Variants in ZNF410 observed in about 807,000 individuals in gnomAD.
ZNF410 encodes another partner for ARF 1.
ZNF410 carries 18 observed loss-of-function variants against 54.8 expected under a neutral mutation model. That is an observed-to-expected ratio of 0.33 (90% confidence interval 0.23 to 0.49). The LOEUF (loss-of-function observed/expected upper bound fraction) is 0.49, where lower values mean the gene tolerates loss of function less well. ZNF410 is among the 20% of genes least tolerant of loss of function. The pLI, the probability that ZNF410 is intolerant of heterozygous loss-of-function variation, is 0.99. For synonymous variants in ZNF410, 191 were observed against 207.3 expected (o/e 0.92, Z 0.68); for missense variants, 405 against 569.6 (o/e 0.71, Z 2.94).
Position 73,922,058 on chromosome 14 carries a change from CTG to C in ZNF410, c.1130-5_1130-4del. On this transcript the variant is annotated splice_polypyrimidine_tract_variant and splice_region_variant and intron_variant, in intron 9 of 11. Transcript: ENST00000555044. ...CTGTATGTCTCTCACAACCTATTCT[CTG>C]TGCAGCTGAGCCACTAATGGGCAGT... 1.2e-6 allele frequency: 2 copies of C among 1,613,826 alleles called. No individual in the cohort carries two copies. Among genetic ancestry groups the C allele is most frequent in the Non-Finnish European group, 1.7e-6 (2 of 1,179,772 alleles).
At chr14:73,912,578 A>G (rs957773098) in intron 8 of ZNF410, among the ~76,000 whole-genome samples, 9 of 152,344 alleles carry the variant, frequency 5.9e-5, no homozygotes, top group Non-Finnish European at 1.0e-4. Context: ...ATTAGTTGGA[A>G]TTCTTCTGTA....
intron 9 of ZNF410, chr14:73,921,313 C>G: frequency 2.0e-6 from 1 of 490,378 alleles, no homozygotes; most frequent in Non-Finnish European, 3.4e-6. Flanking sequence ...TGTTGCTTGT[C>G]CGCCCACCAA....
At chr14:73,921,213 A>C in intron 9 of ZNF410, 108 bp downstream of exon 9, 2 of 1,453,852 alleles carry the variant, frequency 1.4e-6, no homozygotes, top group South Asian at 2.7e-5. Flanking sequence ...TTTTGGGTAG[A>C]TAGACCTGGT....
Position 73,898,113 on chromosome 14 carries a change from A to C in ZNF410, c.431A>C (p.Glu144Ala), listed in dbSNP as rs1366230614. Residue 144 changes from glutamate to alanine, a missense_variant, in exon 5 of 12, where the codon GAG becomes GCG. By Grantham distance (107) the Glu-to-Ala change is moderately radical. Around this residue, in one of 3 missense-constraint regions of ZNF410, gnomAD observed 247 missense variants for 342.8 expected, o/e 0.72. Coordinates refer to ENST00000555044, the MANE Select transcript of ZNF410 (RefSeq NM_021188.3). Reference protein sequence around the residue: ...SAEHLVFVQDEAEDSGNDFLS... With the variant: ...SAEHLVFVQDAAEDSGNDFLS... ...GAGCACTTAGTGTTTGTACAGGATG[A>C]GGCAGAAGATTCAGGGAATGATTTC... is the stretch of plus-strand genomic sequence containing the variant. 4 of 1,614,000 alleles carry C rather than the reference A, an allele frequency of 2.5e-6. No homozygotes were observed. The African/African-American group carries it at 5.3e-5, about 22-fold the overall frequency.
At chr14:73,894,152 A>G (rs1020416594) in intron 3 of ZNF410, among the ~76,000 whole-genome samples, 1 of 152,130 alleles carries the variant, frequency 6.6e-6, no homozygotes. Flanking sequence ...TGGGGAAAAA[A>G]GGTCAGTGCA....
intron 5 of ZNF410, among the ~76,000 whole-genome samples, chr14:73,903,004 T>C (rs2055430724): frequency 6.6e-6 from 1 of 152,196 alleles, no homozygotes; most frequent in Non-Finnish European, 1.5e-5. Context: ...AATTGGAAGG[T>C]GGTTCTTAGT....
chr14:73,893,979 T>G (rs2055271806), intron 3 of ZNF410, 47 bp downstream of exon 3: 2 of 1,574,514 alleles, frequency 1.3e-6, no homozygotes, highest in Non-Finnish European at 1.7e-6. Flanking sequence ...TCTTAAGAGC[T>G]TAGCCTACTC....
chr14:73,897,971 C>CAA (rs5809635), intron 4 of ZNF410, 100 bp from the exon 5 acceptor site: 32,719 of 675,798 alleles, frequency 0.048, 28 homozygotes, highest in South Asian at 0.079. Flanking sequence ...GACGCCGTCT[C>CAA]AAAAAAAAAA....
At chr14:73,913,777 C>T (rs1317908933) in intron 8 of ZNF410, 2 of 150,704 alleles carry the variant, frequency 1.3e-5, no homozygotes, top group Non-Finnish European at 3.0e-5. Context: ...ACCACCACAT[C>T]TAGCTAATTT....
At chr14:73,908,281 T>G (rs2055523058) in intron 7 of ZNF410, among the ~76,000 whole-genome samples, 1 of 152,248 alleles carries the variant, frequency 6.6e-6, no homozygotes, top group African/African-American at 2.4e-5. Context: ...TTTCATGCCA[T>G]TACATTCTTA....
At chr14:73,905,984 T>C (rs368049657) in intron 7 of ZNF410, among the ~76,000 whole-genome samples, 36 of 103,194 alleles carry the variant, frequency 3.5e-4, no homozygotes, top group African/African-American at 9.4e-5. Context: ...TATATATATA[T>C]ATATATATAT....
intron 7 of ZNF410, chr14:73,905,416 G>A (rs944809026): frequency 5.2e-6 from 1 of 190,546 alleles, no homozygotes; most frequent in African/African-American, 2.3e-5. Flanking sequence ...GCGCAGTTAT[G>A]ATTTTGGGCA....
chr14:73,921,957 T>C (rs74487165), intron 9 of ZNF410, 109 bp from the exon 10 acceptor site: 26,402 of 1,338,566 alleles, frequency 0.02, 318 homozygotes, highest in Non-Finnish European at 0.023. Flanking sequence ...ATCCCATCTA[T>C]AGGTTAACTT....
intron 11 of ZNF410, among the ~76,000 whole-genome samples, chr14:73,925,966 T>C (rs1351686607): frequency 2.0e-5 from 3 of 152,132 alleles, no homozygotes; most frequent in Non-Finnish European, 4.4e-5. Context: ...CCTGGGAGGT[T>C]GAGGCTACAG....
Position 73,891,837 on chromosome 14 carries a change from C to T in ZNF410, c.-149-190C>T, listed in dbSNP as rs530963010. ...ATTATTAGAGGTTGAAATACTGCAT[C>T]AAAGCGTAGTATTTTTATGGGTTTT... On this transcript the variant is annotated intron_variant, in intron 1 of 11. Transcript: ENST00000555044. 16 of 581,970 alleles carry T rather than the reference C, an allele frequency of 2.7e-5. 1 individual carries two copies. The South Asian group carries it at 3.5e-4, about 13-fold the overall frequency. The allele number at this position is 581,970 out of a possible 1,614,324, so 36.1% of individuals were successfully genotyped here. A position where few individuals can be genotyped will look rare whatever the true frequency, so the allele number is the denominator to read the frequency against.
chr14:73,912,870 C>CTTTTTTTTTTTTTTTTTTT, intron 8 of ZNF410, among the ~76,000 whole-genome samples: 1 of 143,882 alleles, frequency 7.0e-6, no homozygotes, highest in Non-Finnish European at 1.5e-5. Flanking sequence ...TTAGTAGTTT[C>CTTTTTTTTTTTTTTTTTTT]TTTTTTTTTT....
chr14:73,931,696 G>A lies in ZNF410; in HGVS notation c.*155G>A. The A allele has an allele frequency of 1.5e-6, 1 of 667,868 alleles. No homozygotes were observed. The highest frequency in any genetic ancestry group is 1.7e-5 in the South Asian group (1 of 60,566). The allele number at this position is 667,868 out of a possible 1,614,324, so 41.4% of individuals were successfully genotyped here. On this transcript the variant is annotated 3_prime_UTR_variant, in exon 12 of 12. Transcript: ENST00000555044. ...CTTCCTCTTTCCTGGTATAGAAGATGGATGTAGGAGAGCTTCTTTTCTAAC... is the reference window on the plus strand; with the variant it reads ...CTTCCTCTTTCCTGGTATAGAAGATAGATGTAGGAGAGCTTCTTTTCTAAC...
chr14:73,910,038 T>G (rs188569084), intron 8 of ZNF410, among the ~76,000 whole-genome samples: 1 of 152,280 alleles, frequency 6.6e-6, no homozygotes, highest in Admixed American at 6.5e-5. Context: ...TATCTCATCC[T>G]CTCAACCAGA....
rs1392172876 is a variant in ZNF410, at chr14:73,932,259, TAAAC to T, written c.*722_*725del. On this transcript the variant is annotated 3_prime_UTR_variant, in exon 12 of 12. Transcript: ENST00000555044. Reference sequence around the variant, plus strand: ...GCAGAGATTCAGGTTTTCCTTTAAATAAACAAAACAGCCCAGTCAGTTCTTTGGC... The same window carrying T: ...GCAGAGATTCAGGTTTTCCTTTAAATAAAACAGCCCAGTCAGTTCTTTGGC... The T allele has an allele frequency of 1.5e-5, 5 of 337,722 alleles. No individual in the cohort carries two copies. The highest frequency in any genetic ancestry group is 1.6e-4 in the East Asian group (2 of 12,490). The allele number at this position is 337,722 out of a possible 1,614,324, so 20.9% of individuals were successfully genotyped here.
Sources: gnomAD v4.1 joint callset for allele counts (sites outside exome capture counted in the v4.1 genomes callset) on GRCh38, gnomAD v4.1.1 for gene constraint, gnomAD v4.1.1 regional missense constraint, MANE v1.5 for transcripts, NCBI Gene and HGNC (gene_info 2026-07-23, HGNC 2026-07-21) for gene names.